CSMD1: variants seen among roughly 807,000 people sequenced by gnomAD.
CSMD1 encodes the protein CUB and Sushi multiple domains 1, also known as CUB and sushi domain-containing protein 1.
A neutral mutation model predicts 417.5 loss-of-function variants in CSMD1; 213 were observed. That is an observed-to-expected ratio of 0.51 (90% confidence interval 0.46 to 0.57). The LOEUF (loss-of-function observed/expected upper bound fraction) is 0.57, where lower values mean the gene tolerates loss of function less well. Ranked by LOEUF, CSMD1 falls within the 20% of genes least tolerant of loss-of-function variation. The pLI is 0.00. For synonymous variants in CSMD1, 2,862 were observed against 1,736.8 expected (o/e 1.65, Z -16.11); for missense variants, 6,923 against 4,529.7 (o/e 1.53, Z -15.17).
intron 4 of CSMD1, among the ~76,000 whole-genome samples, chr8:4,009,839 A>T (rs1178580296): frequency 6.6e-6 from 1 of 151,882 alleles, no homozygotes. Flanking sequence ...AACCCCACTT[A>T]CTTCATGCCT....
At chr8:4,177,142 A>G (rs1223386306) in intron 3 of CSMD1, among the ~76,000 whole-genome samples, 1 of 152,176 alleles carries the variant, frequency 6.6e-6, no homozygotes, top group Non-Finnish European at 1.5e-5. Context: ...TTTCAGCACC[A>G]CACCACACCT....
chr8:4,787,811 A>T, intron 1 of CSMD1: 1 of 1,575,736 alleles, frequency 6.3e-7, no homozygotes, highest in Non-Finnish European at 8.7e-7. Flanking sequence ...ATCATGAGTC[A>T]TGCTACACAG....
intron 7 of CSMD1, among the ~76,000 whole-genome samples, chr8:3,655,684 T>C (rs1410482036): frequency 6.7e-6 from 1 of 148,942 alleles, no homozygotes; most frequent in African/African-American, 2.5e-5. Flanking sequence ...TTTTTTTTAA[T>C]CTTCCACTGC....
chr8:4,097,368 T>A (rs1801069749), intron 3 of CSMD1, among the ~76,000 whole-genome samples: 2 of 152,220 alleles, frequency 1.3e-5, no homozygotes, highest in African/African-American at 4.8e-5. Flanking sequence ...AGAAGAATGC[T>A]TACCACACAC....
At chr8:4,303,736 A>G (rs1282819166) in intron 3 of CSMD1, among the ~76,000 whole-genome samples, 1 of 151,556 alleles carries the variant, frequency 6.6e-6, no homozygotes. Flanking sequence ...GCTCACCCCA[A>G]CCTCAGCCTC....
chr8:4,376,546 T>G (rs567299668), intron 3 of CSMD1, among the ~76,000 whole-genome samples: 4 of 152,208 alleles, frequency 2.6e-5, no homozygotes, highest in African/African-American at 9.6e-5. Flanking sequence ...TAATTTAATT[T>G]TATCTCATAT....
intron 1 of CSMD1, among the ~76,000 whole-genome samples, chr8:4,929,546 C>T (rs1413792621): frequency 6.6e-6 from 1 of 152,148 alleles, no homozygotes; most frequent in Non-Finnish European, 1.5e-5. Context: ...GTAACACTCA[C>T]CTCAGTGTAG....
chr8:4,281,514 AT>A (rs1187425274), intron 3 of CSMD1, among the ~76,000 whole-genome samples: 1 of 152,236 alleles, frequency 6.6e-6, no homozygotes, highest in Non-Finnish European at 1.5e-5. Context: ...GAAATATCTT[AT>A]GCATTGAAGC....
chr8:4,349,396 A>G (rs1800957588), intron 3 of CSMD1, among the ~76,000 whole-genome samples: 1 of 152,176 alleles, frequency 6.6e-6, no homozygotes, highest in South Asian at 2.1e-4. Flanking sequence ...TGGTAGGCAG[A>G]GGAAATATTA....
At chr8:3,812,295 T>G (rs542753878) in intron 5 of CSMD1, among the ~76,000 whole-genome samples, 1 of 152,176 alleles carries the variant, frequency 6.6e-6, no homozygotes, top group African/African-American at 2.4e-5. Context: ...GACTCTAATC[T>G]CACAGGGTCC....
At chr8:3,360,676 C>T (rs1809100694) in intron 20 of CSMD1, among the ~76,000 whole-genome samples, 1 of 152,136 alleles carries the variant, frequency 6.6e-6, no homozygotes, top group Non-Finnish European at 1.5e-5. Context: ...TCTTAGTTTA[C>T]CGTGGGGAAG....
chr8:4,438,640 G>C (rs752381425), intron 2 of CSMD1, among the ~76,000 whole-genome samples: 2 of 152,278 alleles, frequency 1.3e-5, no homozygotes, highest in Non-Finnish European at 1.5e-5. Context: ...TTATCCCATG[G>C]AGTAGTATTT....
intron 7 of CSMD1, among the ~76,000 whole-genome samples, chr8:3,684,620 C>T (rs1158820489): frequency 1.2e-4 from 15 of 128,332 alleles, no homozygotes; most frequent in African/African-American, 3.8e-4. Context: ...TTTTTTTAGA[C>T]GGAGTCTCGC....
intron 3 of CSMD1, among the ~76,000 whole-genome samples, chr8:4,130,727 GT>G (rs34487479): frequency 0.43 from 65,719 of 151,688 alleles, 14,355 homozygotes; most frequent in African/African-American, 0.46. Context: ...AAAGTATTTT[GT>G]CTATCAACTC....
intron 1 of CSMD1, among the ~76,000 whole-genome samples, chr8:4,699,686 A>T (rs556004603): frequency 2.6e-5 from 4 of 152,342 alleles, no homozygotes; most frequent in African/African-American, 9.6e-5. Context: ...ATCCGTACAT[A>T]TGATTTTTAA....
At chr8:3,188,119 G>A (rs974455619) in intron 35 of CSMD1, among the ~76,000 whole-genome samples, 154 bp from the exon 36 acceptor site, 3 of 141,082 alleles carry the variant, frequency 2.1e-5, no homozygotes, top group African/African-American at 7.9e-5. Flanking sequence ...CCTTAATAAT[G>A]CCTCCAATGC....
At position 4,015,682 on chromosome 8, in the gene CSMD1, A is replaced by AC. The variant is rs1219027544; in HGVS notation, c.610+16222_610+16223insG. Among the ~76,000 whole-genome samples the AC allele has an allele frequency of 2.8e-3, 425 of 151,026 alleles. 10 individuals are homozygous for AC. In the East Asian group the frequency reaches 0.05, roughly 18 times the overall value. On this transcript the variant is annotated intron_variant, in intron 4 of 69. Coordinates refer to ENST00000635120, the MANE Select transcript of CSMD1 (RefSeq NM_033225.6). The stretch of plus-strand genomic sequence containing the variant: ...ATCTTAAAAAAAAAAAAAAAAAAAA[A>AC]ACTCAAGACAGCTGCTACATCCCAT...
At chr8:3,078,622 T>G (rs1318896917) in intron 49 of CSMD1, among the ~76,000 whole-genome samples, 2 of 152,126 alleles carry the variant, frequency 1.3e-5, no homozygotes, top group African/African-American at 4.8e-5. Context: ...TTTTACATCG[T>G]TTTTAATTGT....
chr8:3,834,899 T>C (rs1365068991), intron 5 of CSMD1, among the ~76,000 whole-genome samples: 3 of 151,706 alleles, frequency 2.0e-5, no homozygotes, highest in Non-Finnish European at 2.9e-5. Context: ...CATCAAAAAG[T>C]GGGTGAAGGA....
Sources: allele counts gnomAD v4.1 joint callset (sites outside exome capture counted in the v4.1 genomes callset), GRCh38; gene constraint gnomAD v4.1.1; transcripts MANE v1.5; gene names NCBI Gene and HGNC (gene_info 2026-07-23, HGNC 2026-07-21).